Variants in RFWD3 observed in about 807,000 individuals in gnomAD.
The protein encoded by RFWD3 is ring finger and WD repeat domain 3, also known as E3 ubiquitin-protein ligase RFWD3.
RFWD3 carries 65 observed loss-of-function variants against 87.7 expected under a neutral mutation model. The ratio of observed to expected loss-of-function variants is 0.74; its 90% confidence interval spans 0.61 to 0.91. The LOEUF (loss-of-function observed/expected upper bound fraction) is 0.91, where lower values mean the gene tolerates loss of function less well. Among genes scored for constraint, RFWD3 ranks in the 40% least tolerant of loss-of-function variants. The probability of loss-of-function intolerance (pLI) is 0.00; values close to 1 mark genes in which losing one functional copy is unlikely to be tolerated. For synonymous variants in RFWD3, 433 were observed against 352.8 expected, an observed-to-expected ratio of 1.23 and a Z score of -2.55; for missense variants, 1,078 against 938.5, an observed-to-expected ratio of 1.15 and a Z score of -1.94.
rs748040145 is a variant in RFWD3 at position 74,644,743 on chromosome 16, G to GA, written c.793-9dup. 1.7e-5 allele frequency: 28 copies of GA among 1,603,198 alleles called. No homozygotes were observed. Among genetic ancestry groups the GA allele is most frequent in the Non-Finnish European group, 2.3e-5 (27 of 1,172,206 alleles). ...AGACTTCTGGGGAGATGGCTAGATG[G>GA]AAAGCAGAATATATTCAAATTAGAG... is the stretch of plus-strand genomic sequence containing the variant. On this transcript the variant is annotated splice_polypyrimidine_tract_variant and intron_variant, in intron 4 of 12. Coordinates refer to ENST00000361070, the MANE Select transcript of RFWD3 (RefSeq NM_018124.4).
At chr16:74,635,838 T>C (rs1339571779) in intron 8 of RFWD3, among the ~76,000 whole-genome samples, 1 of 152,254 alleles carries the variant, frequency 6.6e-6, no homozygotes, top group Non-Finnish European at 1.5e-5. Context: ...TTTCAACATT[T>C]AGAAAACCTA....
intron 3 of RFWD3, among the ~76,000 whole-genome samples, chr16:74,649,566 A>G (rs146092738): frequency 6.6e-6 from 1 of 152,314 alleles, no homozygotes; most frequent in Non-Finnish European, 1.5e-5. Flanking sequence ...TATACTTGCA[A>G]AAACTTCTGC....
intron 2 of RFWD3, among the ~76,000 whole-genome samples, chr16:74,653,330 T>A (rs1314351694): frequency 6.6e-6 from 1 of 151,584 alleles, no homozygotes; most frequent in African/African-American, 2.4e-5. Context: ...GAGTGAGACT[T>A]GTCTCAACAA....
rs947824749 is a variant in RFWD3, at chr16:74,625,227, G to GA, written c.2181+1115dup. ...AAAAAAAAAAAAGTAGAGAGGGACAGAAAAAAAAAGGTAGAGAGCACGGTG... is the reference window on the plus strand; with the variant it reads ...AAAAAAAAAAAAGTAGAGAGGGACAGAAAAAAAAAAGGTAGAGAGCACGGTG... On this transcript the variant is annotated intron_variant, in intron 12 of 12. Transcript: ENST00000361070. 4.3e-4 allele frequency among the ~76,000 whole-genome samples: 63 copies of GA among 145,258 alleles called. No homozygotes were observed. In the South Asian group the frequency reaches 0.012, roughly 27 times the overall value.
At position 74,636,359 on chromosome 16, in the gene RFWD3, G is replaced by C. The variant is rs1490902711; in HGVS notation, c.1413C>G (p.Ala471=). The C allele has an allele frequency of 1.2e-6, 2 of 1,613,734 alleles. No homozygotes were observed. The highest frequency in any genetic ancestry group is 8.5e-7 in the Non-Finnish European group (1 of 1,179,634). Residue 471 remains alanine, a synonymous_variant, in exon 8 of 13, where the codon GCC becomes GCG. Coordinates refer to ENST00000361070, the MANE Select transcript of RFWD3 (RefSeq NM_018124.4). ...CLVISQPSPQ[A]SFLPGFGVKM... ...TAGACTCTTTACCTGGAAGAAAAGA[G>C]GCCTGAGGAGAAGGCTGTGATATCA...
At position 74,628,714 on chromosome 16, in the gene RFWD3, G is replaced by A. The variant is rs767043799; in HGVS notation, c.1755-48C>T. 8.9e-6 allele frequency: 14 copies of A among 1,566,348 alleles called. No individual in the cohort carries two copies. The East Asian group carries it at 1.6e-4, about 18-fold the overall frequency. On this transcript the variant is annotated intron_variant, in intron 10 of 12. Coordinates refer to ENST00000361070, the MANE Select transcript of RFWD3 (RefSeq NM_018124.4). ...GTATCTCACACTCCAAAACTCGGAC[G>A]GCTCCAGACCCCACTACCAGACCTC...
Position 74,663,526 on chromosome 16 carries a change from G to A in RFWD3, c.-2-2075C>T, listed in dbSNP as rs1321597839. On this transcript the variant is annotated intron_variant, in intron 1 of 12. Coordinates refer to ENST00000361070, the MANE Select transcript of RFWD3 (RefSeq NM_018124.4). ...GGGGTCAGAGGCCAGACTGGTGCAG[G>A]CTGAATAAATGGAAGGAATTCTAAT... is the stretch of plus-strand genomic sequence containing the variant. Among the ~76,000 whole-genome samples the A allele has an allele frequency of 2.0e-5, 3 of 152,106 alleles. No individual in the cohort carries two copies. The South Asian group carries it at 6.2e-4, about 31-fold the overall frequency.
chr16:74,651,187 T>A (rs1960533913), intron 3 of RFWD3, among the ~76,000 whole-genome samples: 1 of 152,218 alleles, frequency 6.6e-6, no homozygotes, highest in African/African-American at 2.4e-5. Context: ...GTTTTTAACA[T>A]AAGCAGGACA....
At chr16:74,654,769 G>A (rs961924123) in intron 2 of RFWD3, among the ~76,000 whole-genome samples, 4 of 152,140 alleles carry the variant, frequency 2.6e-5, no homozygotes, top group South Asian at 2.1e-4. Context: ...CTACAACAGC[G>A]AATACATGAA....
intron 2 of RFWD3, among the ~76,000 whole-genome samples, chr16:74,654,719 T>C (rs1468406089): frequency 2.0e-5 from 3 of 152,068 alleles, no homozygotes; most frequent in African/African-American, 7.2e-5. Flanking sequence ...AACAGCCAAG[T>C]GGTGAATGCA....
chr16:74,652,122 C>T lies in RFWD3; in HGVS notation c.519G>A (p.Arg173=). The part of the protein sequence containing the change: ...AGGSQRTDSA[R]LRAPLDAYFQ... ...AGTAAGCATCCAATGGTGCTCTCAACCTATGTACACAGAAAGACAACGGAA... is the reference window on the plus strand; with the variant it reads ...AGTAAGCATCCAATGGTGCTCTCAATCTATGTACACAGAAAGACAACGGAA... Residue 173 remains arginine (R), a splice_region_variant and synonymous_variant, in exon 3 of 13, where the codon AGG becomes AGA. Transcript: ENST00000361070. 2 of 1,613,532 alleles carry T rather than the reference C, an allele frequency of 1.2e-6. No individual in the cohort carries two copies. Among genetic ancestry groups the T allele is most frequent in the Non-Finnish European group, 1.7e-6 (2 of 1,179,656 alleles).
intron 2 of RFWD3, among the ~76,000 whole-genome samples, chr16:74,656,056 CTTA>C (rs1367483644): frequency 1.3e-5 from 2 of 152,030 alleles, no homozygotes; most frequent in Non-Finnish European, 2.9e-5. Flanking sequence ...ACTTTCAAGA[CTTA>C]TTATTTAAGA....
At chr16:74,648,407 G>A (rs1960325334) in intron 4 of RFWD3, among the ~76,000 whole-genome samples, 1 of 151,130 alleles carries the variant, frequency 6.6e-6, no homozygotes, top group Non-Finnish European at 1.5e-5. Flanking sequence ...CACCCGCCTT[G>A]GCCTCCCAAA....
intron 2 of RFWD3, among the ~76,000 whole-genome samples, chr16:74,655,335 G>T (rs1030181836): frequency 6.6e-6 from 1 of 152,010 alleles, no homozygotes; most frequent in Non-Finnish European, 1.5e-5. Flanking sequence ...TGCCTCCCGG[G>T]TTCACGCCAT....
In RFWD3 at chr16:74,644,711, G is replaced by A; in HGVS notation, c.817C>T (p.Leu273=). 1 of 1,614,100 alleles carries A rather than the reference G, an allele frequency of 6.2e-7. No homozygotes were observed. The highest frequency in any genetic ancestry group is 8.5e-7 in the Non-Finnish European group (1 of 1,179,972). Residue 273 remains leucine, a synonymous_variant, in exon 5 of 13, where the codon CTG becomes TTG. Coordinates refer to ENST00000361070, the MANE Select transcript of RFWD3 (RefSeq NM_018124.4). ...KQPSPQKSEP[L]LPSASMDEEE... is the part of the protein sequence containing the mutation. ...TCATCCATAGAAGCAGAAGGTAGCA[G>A]AGGCTCAGACTTCTGGGGAGATGGC...
At chr16:74,650,053 A>C (rs2144253506) in intron 3 of RFWD3, among the ~76,000 whole-genome samples, 1 of 152,314 alleles carries the variant, frequency 6.6e-6, no homozygotes, top group Non-Finnish European at 1.5e-5. Flanking sequence ...GCAACCACTA[A>C]TATTATCTCT....
chr16:74,652,148 TTA>T, intron 2 of RFWD3, 26 bp from the exon 3 acceptor site: 2 of 1,595,582 alleles, frequency 1.3e-6, no homozygotes, highest in Middle Eastern at 1.7e-4. Flanking sequence ...GACAACGGAA[TTA>T]TAGTACAATG....
At chr16:74,666,202 A>T (rs1961897331) in intron 1 of RFWD3, 1 of 150,328 alleles carries the variant, frequency 6.7e-6, no homozygotes, top group Admixed American at 6.6e-5. Context: ...AGATAGATAG[A>T]TAGATAGATA....
intron 6 of RFWD3, among the ~76,000 whole-genome samples, chr16:74,639,339 G>A (rs1179586010): frequency 1.3e-5 from 2 of 152,150 alleles, no homozygotes; most frequent in Admixed American, 1.3e-4. Context: ...CACCCAGTGC[G>A]CTAAGCCATT....
Sources: gnomAD v4.1 joint callset for allele counts (sites outside exome capture counted in the v4.1 genomes callset) on GRCh38, gnomAD v4.1.1 for gene constraint, MANE v1.5 for transcripts, NCBI Gene and HGNC (gene_info 2026-07-23, HGNC 2026-07-21) for gene names.